The following ITIH5 variants were observed in gnomAD, a reference collection of about 807,000 sequenced individuals.
ITIH5 encodes the protein inter-alpha-trypsin inhibitor heavy chain H5.
ITIH5 carries 65 observed loss-of-function variants against 77.5 expected under a neutral mutation model. That is an observed-to-expected ratio of 0.84 (90% CI 0.69 to 1.03). The LOEUF (loss-of-function observed/expected upper bound fraction) is 1.03, where lower values mean the gene tolerates loss of function less well. Ranked by LOEUF, ITIH5 falls within the 50% of genes least tolerant of loss-of-function variation. The probability of loss-of-function intolerance (pLI) is 0.00; values close to 1 mark genes in which losing one functional copy is unlikely to be tolerated. For synonymous variants in ITIH5, 525 were observed against 494.3 expected (o/e 1.06, Z -0.82); for missense variants, 1,208 against 1,213.1 (o/e 1.00, Z 0.06).
intron 1 of ITIH5, among the ~76,000 whole-genome samples, chr10:7,665,325 G>A (rs756516689): frequency 7.2e-5 from 11 of 152,144 alleles, no homozygotes; most frequent in Non-Finnish European, 1.5e-4. Context: ...CCCCAAAAAA[G>A]TTTCAAGATC....
chr10:7,567,319 T>TTTTTTA (rs71515477), intron 12 of ITIH5, among the ~76,000 whole-genome samples: 350 of 139,492 alleles, frequency 2.5e-3, no homozygotes, highest in African/African-American at 8.5e-3. Flanking sequence ...TCGGACATCT[T>TTTTTTA]TTATTATTAT....
chr10:7,629,745 C>T (rs967519764), intron 5 of ITIH5, among the ~76,000 whole-genome samples: 1 of 152,108 alleles, frequency 6.6e-6, no homozygotes, highest in African/African-American at 2.4e-5. Flanking sequence ...TTGTTGTTTC[C>T]ACTTTGGGGC....
At position 7,566,096 on chromosome 10, in the gene ITIH5, G is replaced by A. The variant is rs374503043; in HGVS notation, c.2461C>T (p.Arg821Ter). 8.1e-6 allele frequency: 13 copies of A among 1,614,124 alleles called. No homozygotes were observed. Among genetic ancestry groups the A allele is most frequent in the Admixed American group, 3.3e-5 (2 of 60,010 alleles). Reference protein sequence around the residue: ...HLYKKPAPFQRHHLGFYIANS... With the variant: ...HLYKKPAPFQ ...GCAATGTAGAAACCCAGGTGGTGTC[G>A]CTGGAAGGGCGCCGGCTTTTTGTAG... Residue 821 changes from arginine to a stop codon, truncating the protein, a stop_gained, in exon 13 of 14, where the codon CGA (arginine) becomes TGA (stop). Transcript: ENST00000397146. LOFTEE classifies it high-confidence loss of function.
intron 7 of ITIH5, among the ~76,000 whole-genome samples, chr10:7,602,434 G>A (rs1189766699): frequency 6.6e-6 from 1 of 152,140 alleles, no homozygotes; most frequent in African/African-American, 2.4e-5. Flanking sequence ...GCAGGTGGAG[G>A]TAACTAAATC....
chr10:7,641,489 C>T (rs1436299395), intron 3 of ITIH5, among the ~76,000 whole-genome samples: 1 of 150,976 alleles, frequency 6.6e-6, no homozygotes, highest in Non-Finnish European at 1.5e-5. Flanking sequence ...CACCAGTTTT[C>T]ATGAAGAGTA....
At chr10:7,644,954 CACATAT>C (rs1564278645) in intron 2 of ITIH5, among the ~76,000 whole-genome samples, 1 of 10,480 alleles carries the variant, frequency 9.5e-5, no homozygotes, top group African/African-American at 2.7e-4. Context: ...ATATATATCA[CACATAT>C]ATATATATAT....
chr10:7,564,027 T>C (rs1005351297), intron 13 of ITIH5, among the ~76,000 whole-genome samples: 1 of 152,234 alleles, frequency 6.6e-6, no homozygotes, highest in African/African-American at 2.4e-5. Flanking sequence ...AATTACACGT[T>C]GAAGAAAGCT....
chr10:7,590,266 C>G (rs1251502817), intron 7 of ITIH5, among the ~76,000 whole-genome samples: 1 of 152,204 alleles, frequency 6.6e-6, no homozygotes, highest in African/African-American at 2.4e-5. Flanking sequence ...CCCTCACATC[C>G]TTCAACACCA....
chr10:7,637,350 C>T lies in ITIH5; in HGVS notation c.530G>A (p.Arg177Gln), dbSNP rs374466413. The T allele has an allele frequency of 1.9e-6, 3 of 1,614,032 alleles. No individual in the cohort carries two copies. The African/African-American group carries it at 4.0e-5, about 22-fold the overall frequency. Reference protein sequence around the residue: ...LGKYEHSISVRPQQLSGRLSV... With the variant: ...LGKYEHSISVQPQQLSGRLSV... ...CAGCCTCCCGGACAGCTGCTGGGGC[C>T]GCACGCTGATGCTGTGCTCGTACTT... The change falls in exon 5 of 14, where the codon CGG becomes CAG. Residue 177 changes from arginine to glutamine, a missense_variant. Coordinates refer to ENST00000397146, the MANE Select transcript of ITIH5 (RefSeq NM_030569.7).
At chr10:7,664,658 T>A (rs1834333966) in intron 1 of ITIH5, among the ~76,000 whole-genome samples, 1 of 152,188 alleles carries the variant, frequency 6.6e-6, no homozygotes, top group African/African-American at 2.4e-5. Context: ...GAATCTAAGG[T>A]GTTACTGGTA....
intron 13 of ITIH5, among the ~76,000 whole-genome samples, chr10:7,563,629 T>C (rs534289418): frequency 1.5e-3 from 222 of 152,352 alleles, no homozygotes; most frequent in Non-Finnish European, 2.1e-3. Context: ...TAGAAAGTTG[T>C]GTAACCTACA....
chr10:7,649,303 T>C (rs890461990), intron 2 of ITIH5, among the ~76,000 whole-genome samples: 2 of 152,088 alleles, frequency 1.3e-5, no homozygotes, highest in Admixed American at 6.6e-5. Context: ...TCCTTCTTCT[T>C]CTTTCCCTTC....
At position 7,605,608 on chromosome 10, in the gene ITIH5, T is replaced by C. The variant is rs150131217; in HGVS notation, c.939+10374A>G. On this transcript the variant is annotated intron_variant, in intron 7 of 13. Transcript: ENST00000397146. Reference sequence around the variant, plus strand: ...CTGAAGTCTAGAGTTAAAGTCAAAGTGGGAAGCTGAGTGACAGTCAGGTGT... The same window carrying C: ...CTGAAGTCTAGAGTTAAAGTCAAAGCGGGAAGCTGAGTGACAGTCAGGTGT... Among the ~76,000 whole-genome samples, 49 of 152,018 alleles carry C rather than the reference T, an allele frequency of 3.2e-4. No individual in the cohort carries two copies. In the East Asian group the frequency reaches 9.5e-3, roughly 29 times the overall value.
chr10:7,573,124 C>T lies in ITIH5; in HGVS notation c.2032+18G>A, dbSNP rs376640633. 77 of 1,609,926 alleles carry T rather than the reference C, an allele frequency of 4.8e-5. No homozygotes were observed. In the South Asian group the frequency reaches 7.0e-4, roughly 15 times the overall value. On this transcript the variant is annotated intron_variant, in intron 11 of 13. Coordinates refer to ENST00000397146, the MANE Select transcript of ITIH5 (RefSeq NM_030569.7). ...TCTCTTACTCTCAATCCACACACAACCGCATCCTTTGCTTTACCTGATGTT... is the reference window on the plus strand; with the variant it reads ...TCTCTTACTCTCAATCCACACACAATCGCATCCTTTGCTTTACCTGATGTT...
chr10:7,666,282 T>G (rs982329869), intron 1 of ITIH5, among the ~76,000 whole-genome samples: 1 of 152,170 alleles, frequency 6.6e-6, no homozygotes, highest in African/African-American at 2.4e-5. Context: ...TCAGACGCTT[T>G]GGCTCTCGGT....
intron 1 of ITIH5, among the ~76,000 whole-genome samples, chr10:7,658,167 C>T (rs1376540147): frequency 1.3e-5 from 2 of 152,200 alleles, no homozygotes; most frequent in Non-Finnish European, 2.9e-5. Context: ...TAATCAATGG[C>T]TGTTACCTTT....
At chr10:7,666,459 C>A (rs563976963) in intron 1 of ITIH5, among the ~76,000 whole-genome samples, 2 of 152,088 alleles carry the variant, frequency 1.3e-5, no homozygotes, top group East Asian at 1.9e-4. Flanking sequence ...GACTGCCCCC[C>A]ACGCGTGATA....
At chr10:7,590,418 T>C (rs1564248165) in intron 7 of ITIH5, among the ~76,000 whole-genome samples, 1 of 152,248 alleles carries the variant, frequency 6.6e-6, no homozygotes, top group Non-Finnish European at 1.5e-5. Flanking sequence ...ACTCACATCA[T>C]CACGCCTACC....
chr10:7,579,898 C>T lies in ITIH5; in HGVS notation c.1275G>A (p.Glu425=). The T allele has an allele frequency of 6.8e-6, 11 of 1,614,222 alleles. No homozygotes were observed. Among genetic ancestry groups the T allele is most frequent in the Non-Finnish European group, 8.5e-6 (10 of 1,180,040 alleles). ...HTLKILNNTR[E]AARGQVCIFT... ...AGATGCAGACTTGGCCTCGGGCGGC[C>T]TCTCGGGTGTTGTTGAGGATCTTGA... The change falls in exon 9 of 14, where the codon GAG becomes GAA. Residue 425 remains glutamate (E), a synonymous_variant. Coordinates refer to ENST00000397146, the MANE Select transcript of ITIH5 (RefSeq NM_030569.7).
Sources: allele counts gnomAD v4.1 joint callset (sites outside exome capture counted in the v4.1 genomes callset), GRCh38; gene constraint gnomAD v4.1.1; transcripts MANE v1.5; gene names NCBI Gene and HGNC (gene_info 2026-07-23, HGNC 2026-07-21).